CTSE: variants seen among roughly 807,000 people sequenced by gnomAD.
CTSE encodes cathepsin E.
A neutral mutation model predicts 42.8 loss-of-function variants in CTSE; 43 were observed. The observed-to-expected ratio is 1.01, with a 90% CI of 0.79 to 1.30. CTSE has a LOEUF of 1.30. Among genes scored for constraint, CTSE ranks in the 50% most tolerant of loss-of-function variants. The pLI is 0.00. For synonymous variants in CTSE, 205 were observed against 191.5 expected, an observed-to-expected ratio of 1.07 and a Z score of -0.58; for missense variants, 532 against 493.5, an observed-to-expected ratio of 1.08 and a Z score of -0.74.
In CTSE at chr1:206,010,118, A is replaced by G. The variant is rs782325712; in HGVS notation, c.*65T>C. On this transcript the variant is annotated 3_prime_UTR_variant, in exon 9 of 9. Coordinates refer to ENST00000358184, the MANE Select transcript of CTSE (RefSeq NM_001910.4). ...GGAAAATAACTTTTTGTAGGTGTAA[A>G]GAATGCCCCAGCCTAACATATTCAA... 6.3e-7 allele frequency: 1 copy of G among 1,599,378 alleles called. No individual in the cohort carries two copies. The highest frequency in any genetic ancestry group is 1.7e-5 in the Admixed American group (1 of 59,746).
chr1:206,021,377 A>G (rs1424873157), intron 3 of CTSE: 1 of 559,242 alleles, frequency 1.8e-6, no homozygotes, highest in Non-Finnish European at 3.2e-6. Context: ...CCAAATAGCT[A>G]TCCCTGAGCA....
chr1:206,017,250 G>T (rs373299794), intron 4 of CTSE, among the ~76,000 whole-genome samples: 2 of 151,964 alleles, frequency 1.3e-5, no homozygotes, highest in East Asian at 1.9e-4. Context: ...CTTGCTACAG[G>T]TTGAGCATCA....
chr1:206,023,727 T>C lies in CTSE; in HGVS notation c.65A>G (p.His22Arg). ...CAGTGCGGGGACGTCTTCTCACCTG[T>C]GAAGGGATCCTTGGGCCTCTCCCAG... ...LELGEAQGSL[H>R]RVPLRRHPSL... Residue 22 changes from histidine to arginine, a missense_variant, in exon 1 of 9, where the codon CAC (histidine) becomes CGC (arginine). Coordinates refer to ENST00000358184, the MANE Select transcript of CTSE (RefSeq NM_001910.4). 1 of 1,613,538 alleles carries C rather than the reference T, an allele frequency of 6.2e-7. No homozygotes were observed. The highest frequency in any genetic ancestry group is 8.5e-7 in the Non-Finnish European group (1 of 1,179,618).
chr1:206,013,680 A>G (rs1039223846), intron 6 of CTSE, 92 bp downstream of exon 6: 2 of 1,481,174 alleles, frequency 1.4e-6, no homozygotes, highest in Admixed American at 3.6e-5. Context: ...ATCCTCTGCT[A>G]GTGACCAGTG....
intron 1 of CTSE, 94 bp from the exon 2 acceptor site, chr1:206,023,151 A>ATTTATTT: frequency 2.2e-6 from 1 of 457,998 alleles, no homozygotes; most frequent in Non-Finnish European, 4.4e-6. Context: ...ACTAGAGAAG[A>ATTTATTT]TGGGGTGGGA....
chr1:206,023,288 C>T (rs1661506155), intron 1 of CTSE, among the ~76,000 whole-genome samples: 1 of 151,906 alleles, frequency 6.6e-6, no homozygotes, highest in African/African-American at 2.4e-5. Context: ...GGCTCCCCTC[C>T]TGGAGCTGAG....
rs1553278843 is a variant in CTSE, at chr1:206,023,726, GTGA to G, written c.63_65del (p.His22del). 1 of 1,613,524 alleles carries G rather than the reference GTGA, an allele frequency of 6.2e-7. No individual in the cohort carries two copies. The highest frequency in any genetic ancestry group is 1.1e-5 in the South Asian group (1 of 91,068). On this transcript the variant is annotated inframe_deletion, in exon 1 of 9. Coordinates refer to ENST00000358184, the MANE Select transcript of CTSE (RefSeq NM_001910.4). ...ACAGTGCGGGGACGTCTTCTCACCT[GTGA>G]AGGGATCCTTGGGCCTCTCCCAGCT...
At chr1:206,012,260 C>T in intron 8 of CTSE, 48 bp downstream of exon 8, 2 of 1,471,064 alleles carry the variant, frequency 1.4e-6, no homozygotes, top group South Asian at 1.2e-5. Flanking sequence ...AAGTGGCAGG[C>T]ATGTGGGGAG....
At chr1:206,021,399 C>T (rs2102277709) in intron 3 of CTSE, 1 of 516,160 alleles carries the variant, frequency 1.9e-6, no homozygotes, top group African/African-American at 1.9e-5. Context: ...ACCTGATTGT[C>T]CACAATGACC....
At chr1:206,021,368 C>A (rs1476657327) in intron 3 of CTSE, 8 of 573,452 alleles carry the variant, frequency 1.4e-5, no homozygotes, top group African/African-American at 1.1e-4. Flanking sequence ...AACTGGGGAC[C>A]AAATAGCTAT....
At chr1:206,014,631 A>C (rs1334264577) in intron 5 of CTSE, among the ~76,000 whole-genome samples, 1 of 152,034 alleles carries the variant, frequency 6.6e-6, no homozygotes, top group Admixed American at 6.6e-5. Flanking sequence ...TATCTGTCTA[A>C]ACTTATTTAA....
chr1:206,010,518 T>C (rs899111371), intron 8 of CTSE, among the ~76,000 whole-genome samples, 171 bp from the exon 9 acceptor site: 2 of 152,080 alleles, frequency 1.3e-5, no homozygotes, highest in Non-Finnish European at 2.9e-5. Flanking sequence ...GTCCCTACCC[T>C]AGGTTGCTTA....
At chr1:206,020,509 T>A (rs1365144488) in intron 4 of CTSE, among the ~76,000 whole-genome samples, 1 of 152,004 alleles carries the variant, frequency 6.6e-6, no homozygotes, top group Non-Finnish European at 1.5e-5. Flanking sequence ...CTGATTCCCA[T>A]AGTTCTAGGA....
intron 4 of CTSE, 132 bp downstream of exon 4, chr1:206,020,917 T>C: frequency 1.5e-6 from 1 of 675,846 alleles, no homozygotes; most frequent in African/African-American, 1.8e-5. Context: ...GAGTGTTGCT[T>C]GCCCTTTCTC....
intron 8 of CTSE, 131 bp downstream of exon 8, chr1:206,012,177 C>G (rs1455033830): frequency 1.4e-6 from 1 of 711,968 alleles, no homozygotes; most frequent in Non-Finnish European, 2.3e-6. Flanking sequence ...AGAGGGAATG[C>G]CACATGAGAG....
Position 206,021,248 on chromosome 1 carries a change from C to T in CTSE, c.344-81G>A, listed in dbSNP as rs140006768. ...GCCCTAATGCCACCCAGCCCCACAG[C>T]GGCAGGGTCTCTTCCCTCAGCTCTC... is the stretch of plus-strand genomic sequence containing the variant. On this transcript the variant is annotated intron_variant, in intron 3 of 8. Transcript: ENST00000358184. 3.6e-4 allele frequency: 391 copies of T among 1,093,676 alleles called. 2 individuals carry two copies. In the African/African-American group the frequency reaches 5.0e-3, roughly 14 times the overall value. The allele number at this position is 1,093,676 out of a possible 1,614,324, so 67.7% of individuals were successfully genotyped here. A position where few individuals can be genotyped will look rare whatever the true frequency, so the allele number is the denominator to read the frequency against.
Position 206,013,802 on chromosome 1 carries a change from T to C in CTSE, c.755A>G (p.Lys252Arg). Residue 252 changes from lysine (K) to arginine (R), a missense_variant, in exon 6 of 9, where the codon AAG becomes AGG. Lys to Arg is a conservative substitution (Grantham distance 26). Coordinates refer to ENST00000358184, the MANE Select transcript of CTSE (RefSeq NM_001910.4). ...CAGTGCAATCTGCCAGTAAGCTTGCTTGGTGACTGGGACCCAATTCAGGCT... is the reference window on the plus strand; with the variant it reads ...CAGTGCAATCTGCCAGTAAGCTTGCCTGGTGACTGGGACCCAATTCAGGCT... ...SGSLNWVPVT[K>R]QAYWQIALDN... 1 of 1,613,842 alleles carries C rather than the reference T, an allele frequency of 6.2e-7. No homozygotes were observed. The highest frequency in any genetic ancestry group is 8.5e-7 in the Non-Finnish European group (1 of 1,179,870).
At chr1:206,018,995 A>G (rs75566175) in intron 4 of CTSE, among the ~76,000 whole-genome samples, 1 of 152,146 alleles carries the variant, frequency 6.6e-6, no homozygotes, top group East Asian at 1.9e-4. Context: ...AGGAGCTTAG[A>G]TAATTGATCA....
In CTSE at chr1:206,016,093, T is replaced by C; in HGVS notation, c.500A>G (p.Glu167Gly). Reference sequence around the variant, plus strand: ...GGTCTGGCCTGGCTCTGTGACACTTTCTCCAAACTGCTGGCCAACCACGGT... The same window carrying C: ...GGTCTGGCCTGGCTCTGTGACACTTCCTCCAAACTGCTGGCCAACCACGGT... ...GLTVVGQQFG[E>G]SVTEPGQTFV... Residue 167 changes from glutamate to glycine, a missense_variant, in exon 5 of 9, where the codon GAA becomes GGA. By Grantham distance (98) the Glu-to-Gly change is moderately conservative. Coordinates refer to ENST00000358184, the MANE Select transcript of CTSE (RefSeq NM_001910.4). 6.2e-7 allele frequency: 1 copy of C among 1,613,922 alleles called. No individual in the cohort carries two copies. Among genetic ancestry groups the C allele is most frequent in the Admixed American group, 1.7e-5 (1 of 60,010 alleles).
Sources: allele counts gnomAD v4.1 joint callset (sites outside exome capture counted in the v4.1 genomes callset), GRCh38; gene constraint gnomAD v4.1.1; transcripts MANE v1.5; gene names NCBI Gene and HGNC (gene_info 2026-07-23, HGNC 2026-07-21).